Variants in ESR1 observed in about 807,000 individuals in gnomAD.
The protein encoded by ESR1 is estrogen receptor.
A neutral mutation model predicts 52.7 loss-of-function variants in ESR1; 12 were observed. The ratio of observed to expected loss-of-function variants is 0.23; its 90% CI spans 0.15 to 0.37. The LOEUF (loss-of-function observed/expected upper bound fraction) is 0.37, where lower values mean the gene tolerates loss of function less well. Ranked by LOEUF, ESR1 falls within the 10% of genes least tolerant of loss-of-function variation. ESR1 has a pLI of 1.00. For missense variants in ESR1, 584 were observed against 779.7 expected (o/e 0.75, Z 2.99); for synonymous variants, 305 against 316.8 (o/e 0.96, Z 0.39).
intron 2 of ESR1, among the ~76,000 whole-genome samples, chr6:151,753,100 T>G (rs969312743): frequency 4.6e-5 from 7 of 152,190 alleles, no homozygotes; most frequent in African/African-American, 1.7e-4. Flanking sequence ...CCCACTACAC[T>G]GCTAGCCTGG....
chr6:151,735,558 TGTTTTTG>T (rs1317836516), intron 2 of ESR1, among the ~76,000 whole-genome samples: 1 of 151,972 alleles, frequency 6.6e-6, no homozygotes, highest in Non-Finnish European at 1.5e-5. Flanking sequence ...CTTGGTTGTT[TGTTTTTG>T]TTTTTTTTTT....
At chr6:152,124,179 G>A (rs1331910349) in intron 6 of ESR1, among the ~76,000 whole-genome samples, 1 of 152,102 alleles carries the variant, frequency 6.6e-6, no homozygotes, top group East Asian at 1.9e-4. Context: ...GGTGGCGTGT[G>A]CCTGTAGTCC....
At chr6:151,744,910 A>C (rs758201607) in intron 2 of ESR1, among the ~76,000 whole-genome samples, 4 of 152,138 alleles carry the variant, frequency 2.6e-5, no homozygotes, top group African/African-American at 4.8e-5. Flanking sequence ...AGAGGTTCAA[A>C]TCTATTCTTC....
intron 5 of ESR1, among the ~76,000 whole-genome samples, chr6:152,029,320 G>A (rs1178240296): frequency 6.6e-6 from 1 of 152,182 alleles, no homozygotes; most frequent in Non-Finnish European, 1.5e-5. Context: ...AGAAAAGAAG[G>A]CTTCAGACGA....
At chr6:151,887,152 G>A (rs1466366773) in intron 3 of ESR1, among the ~76,000 whole-genome samples, 1 of 151,756 alleles carries the variant, frequency 6.6e-6, no homozygotes, top group Non-Finnish European at 1.5e-5. Context: ...CCGAATAATT[G>A]TGGAAGATTT....
chr6:151,993,403 C>T (rs1021976944), intron 4 of ESR1, among the ~76,000 whole-genome samples: 1 of 152,130 alleles, frequency 6.6e-6, no homozygotes, highest in Non-Finnish European at 1.5e-5. Context: ...CTGGGTCGGA[C>T]TTGGCCCAGA....
chr6:151,778,696 A>T (rs1786248923), intron 2 of ESR1, among the ~76,000 whole-genome samples: 1 of 152,092 alleles, frequency 6.6e-6, no homozygotes, highest in African/African-American at 2.4e-5. Context: ...GTGAGCCACC[A>T]TACCTGCCAT....
exon 7 of ESR1, chr6:152,128,676 C>T (rs2054362235): frequency 6.6e-6 from 1 of 152,244 alleles, no homozygotes. Flanking sequence ...AAAAATTTCC[C>T]ATTGCAGACT....
intron 4 of ESR1, among the ~76,000 whole-genome samples, chr6:151,963,500 T>C (rs2037909445): frequency 6.6e-6 from 1 of 152,230 alleles, no homozygotes; most frequent in Non-Finnish European, 1.5e-5. Flanking sequence ...CAGATATTCG[T>C]GTCCTTTGGC....
chr6:151,740,591 C>G (rs570199345), intron 2 of ESR1, among the ~76,000 whole-genome samples: 1 of 152,006 alleles, frequency 6.6e-6, no homozygotes, highest in East Asian at 1.9e-4. Flanking sequence ...TGGGAATAGT[C>G]CTCTTACTTT....
At chr6:151,844,415 C>T (rs1016258894) in intron 2 of ESR1, among the ~76,000 whole-genome samples, 1 of 152,060 alleles carries the variant, frequency 6.6e-6, no homozygotes, top group African/African-American at 2.4e-5. Context: ...GGTCTAACTG[C>T]ACAACTGGAT....
rs777783665 is a variant in ESR1 at position 152,061,055 on chromosome 6, C to A, written c.1300C>A (p.Arg434=). ...CGACATGCTGCTGGCTACATCATCT[C>A]GGTTCCGCATGATGAATCTGCAGGG... ...IFDMLLATSS[R]FRMMNLQGEE... The change falls in exon 6 of 8, where the codon CGG becomes AGG. Residue 434 remains arginine (R), a synonymous_variant. Coordinates refer to ENST00000206249, the MANE Select transcript of ESR1 (RefSeq NM_000125.4). This position sits in a 1 kb window ranked among gnomAD's most constrained non-coding sequence, Gnocchi z 4.3. 6.2e-7 allele frequency: 1 copy of A among 1,613,034 alleles called. No homozygotes were observed. The highest frequency in any genetic ancestry group is 2.2e-5 in the East Asian group (1 of 44,836).
At chr6:151,862,196 A>G (rs2128288485) in intron 2 of ESR1, among the ~76,000 whole-genome samples, 1 of 152,322 alleles carries the variant, frequency 6.6e-6, no homozygotes, top group South Asian at 2.1e-4. Flanking sequence ...AGATGAGGAA[A>G]CCAAGGTATG....
At chr6:152,082,718 T>C (rs902698126) in intron 6 of ESR1, among the ~76,000 whole-genome samples, 1 of 152,086 alleles carries the variant, frequency 6.6e-6, no homozygotes, top group Admixed American at 6.5e-5. Flanking sequence ...AAAACCCCAT[T>C]GTCTCAGCCC....
chr6:152,037,044 T>C (rs2982712), intron 5 of ESR1, among the ~76,000 whole-genome samples: 87,716 of 152,120 alleles, frequency 0.58, 28,489 homozygotes, highest in African/African-American at 0.88. Flanking sequence ...TGTATTGCAG[T>C]GCCAATTGCT....
chr6:152,095,471 T>C (rs558076510), intron 7 of ESR1, among the ~76,000 whole-genome samples: 1 of 152,352 alleles, frequency 6.6e-6, no homozygotes, highest in Admixed American at 6.5e-5. Flanking sequence ...CTATGCCTCA[T>C]GTCTCCTATC....
At chr6:152,081,762 G>A (rs3020379) in intron 6 of ESR1, among the ~76,000 whole-genome samples, 67,098 of 151,450 alleles carry the variant, frequency 0.44, 16,608 homozygotes, top group African/African-American at 0.66. Flanking sequence ...GAGAAGAATC[G>A]AATAGATGCA....
chr6:152,019,725 C>T (rs1311064446), intron 5 of ESR1, among the ~76,000 whole-genome samples: 3 of 152,042 alleles, frequency 2.0e-5, no homozygotes, highest in East Asian at 3.9e-4. Flanking sequence ...ATGCAGGGAC[C>T]GTCAAGTAAT....
At chr6:151,656,770 T>C (rs1207747415) in intron 1 of ESR1, 2 of 152,130 alleles carry the variant, frequency 1.3e-5, no homozygotes, top group Admixed American at 6.5e-5. Flanking sequence ...GAAGGTAAGT[T>C]TTTATTTTTT....
Sources: allele counts gnomAD v4.1 joint callset (sites outside exome capture counted in the v4.1 genomes callset), GRCh38; gene constraint gnomAD v4.1.1; non-coding constraint Gnocchi (gnomAD v3.1); transcripts MANE v1.5; gene names NCBI Gene and HGNC (gene_info 2026-07-23, HGNC 2026-07-21).